Variants in CMIP observed in about 807,000 individuals in gnomAD.
CMIP encodes C-Maf-inducing protein.
CMIP carries 13 observed loss-of-function variants against 97.3 expected under a neutral mutation model. That is an observed-to-expected ratio of 0.13 (90% CI 0.09 to 0.21). The LOEUF (loss-of-function observed/expected upper bound fraction) is 0.21. CMIP is among the 10% of genes least tolerant of loss of function. The probability of loss-of-function intolerance (pLI) is 1.00; values close to 1 mark genes in which losing one functional copy is unlikely to be tolerated. For missense variants in CMIP, 847 were observed against 1,024.9 expected (o/e 0.83, Z 2.37); for synonymous variants, 538 against 436.3 (o/e 1.23, Z -2.91).
chr16:81,607,102 G>A (rs1202893563), intron 1 of CMIP: 1 of 158,128 alleles, frequency 6.3e-6, no homozygotes, highest in South Asian at 1.8e-4. Flanking sequence ...TTGAGGAGGA[G>A]GGTGGGGCTA....
intron 1 of CMIP, among the ~76,000 whole-genome samples, chr16:81,554,353 A>C (rs554831653): frequency 2.6e-5 from 4 of 152,364 alleles, no homozygotes; most frequent in African/African-American, 9.6e-5. Flanking sequence ...GAGCAGAAAG[A>C]TTCAGAGAAA....
At chr16:81,618,867 G>A (rs1446806448) in intron 2 of CMIP, 1 of 152,230 alleles carries the variant, frequency 6.6e-6, no homozygotes, top group Admixed American at 6.5e-5. Context: ...TCATGGATTA[G>A]CTCATTGTTT....
chr16:81,693,582 G>A, intron 13 of CMIP, 95 bp downstream of exon 13: 2 of 1,367,382 alleles, frequency 1.5e-6, no homozygotes, highest in South Asian at 1.4e-5. Flanking sequence ...GTCACCAACA[G>A]GCATTCAGAA....
intron 1 of CMIP, among the ~76,000 whole-genome samples, chr16:81,531,742 G>A (rs894215752): frequency 1.3e-5 from 2 of 152,168 alleles, no homozygotes; most frequent in African/African-American, 2.4e-5. Context: ...AGGTCAACCC[G>A]TGTGTCATGG....
intron 3 of CMIP, among the ~76,000 whole-genome samples, chr16:81,625,235 C>T (rs2150965540): frequency 6.6e-6 from 1 of 152,384 alleles, no homozygotes; most frequent in South Asian, 2.1e-4. Context: ...CAGGATCTCC[C>T]AGCCCATGGC....
At chr16:81,481,324 C>G (rs564624368) in intron 1 of CMIP, among the ~76,000 whole-genome samples, 16 of 152,296 alleles carry the variant, frequency 1.1e-4, no homozygotes, top group African/African-American at 3.9e-4. Context: ...TCATTCCAGC[C>G]TCATGGCAGG....
chr16:81,671,216 C>T (rs528633584), intron 8 of CMIP, among the ~76,000 whole-genome samples: 4 of 152,306 alleles, frequency 2.6e-5, no homozygotes, highest in South Asian at 4.1e-4. Flanking sequence ...TTGGAACTCA[C>T]GAAGTCGTTT....
At chr16:81,458,183 T>C (rs1284740441) in intron 1 of CMIP, among the ~76,000 whole-genome samples, 1 of 152,174 alleles carries the variant, frequency 6.6e-6, no homozygotes, top group Non-Finnish European at 1.5e-5. Context: ...CCCTGGCTTC[T>C]CACCTCTTCT....
chr16:81,459,014 GTCACCATCACTGTCACCATCACCA>G (rs1230058824), intron 1 of CMIP, among the ~76,000 whole-genome samples: 6 of 148,388 alleles, frequency 4.0e-5, no homozygotes, highest in Non-Finnish European at 7.4e-5. Flanking sequence ...CACCGTCACC[GTCACCATCACTGTCACCATCACCA>G]TCACCATCAC....
At chr16:81,488,179 C>T (rs1174156431) in intron 1 of CMIP, among the ~76,000 whole-genome samples, 1 of 152,058 alleles carries the variant, frequency 6.6e-6, no homozygotes, top group Non-Finnish European at 1.5e-5. Flanking sequence ...TGTTATGGTT[C>T]TGATTAGCTC....
intron 1 of CMIP, among the ~76,000 whole-genome samples, chr16:81,565,775 A>G (rs986708695): frequency 2.0e-5 from 3 of 152,188 alleles, no homozygotes; most frequent in Non-Finnish European, 2.9e-5. Flanking sequence ...CTGTCATTCA[A>G]CACACACTGA....
chr16:81,600,473 A>T (rs191047049), intron 1 of CMIP, among the ~76,000 whole-genome samples: 88 of 152,230 alleles, frequency 5.8e-4, no homozygotes, highest in African/African-American at 2.1e-3. Context: ...CAGTAAGTGA[A>T]AGGAGCCAGG....
At chr16:81,554,180 G>A (rs1444854024) in intron 1 of CMIP, among the ~76,000 whole-genome samples, 2 of 152,240 alleles carry the variant, frequency 1.3e-5, no homozygotes, top group East Asian at 1.9e-4. Flanking sequence ...CCTGATAAAT[G>A]TATGTTGAGG....
chr16:81,645,768 C>CAA, intron 3 of CMIP: 1 of 686,924 alleles, frequency 1.5e-6, no homozygotes, highest in Non-Finnish European at 2.5e-6. Context: ...TGGACTACTC[C>CAA]TTTACAGAAC....
At position 81,610,440 on chromosome 16, in the gene CMIP, G is replaced by C. The variant is rs1348025418; in HGVS notation, c.426+2748G>C. 7 of 985,974 alleles carry C rather than the reference G, an allele frequency of 7.1e-6. No homozygotes were observed. The African/African-American group carries it at 1.2e-4, about 17-fold the overall frequency. 61.1% of individuals were successfully genotyped at this position (985,974 alleles called of 1,614,324 possible). ...AGGAGGAAGCAGAGGAAAAGGAGGA[G>C]GAGGAGGCGGCTTGCAACTCCTCAG... On this transcript the variant is annotated intron_variant, in intron 2 of 20. Coordinates refer to ENST00000537098, the MANE Select transcript of CMIP (RefSeq NM_198390.3).
At chr16:81,639,913 G>A (rs1289818263) in intron 3 of CMIP, among the ~76,000 whole-genome samples, 2 of 152,142 alleles carry the variant, frequency 1.3e-5, no homozygotes, top group African/African-American at 4.8e-5. Context: ...CTCAGCACAG[G>A]GCCCAGTACA....
chr16:81,513,565 G>C (rs1018096814), intron 1 of CMIP, among the ~76,000 whole-genome samples: 1 of 152,202 alleles, frequency 6.6e-6, no homozygotes, highest in Non-Finnish European at 1.5e-5. Context: ...AGCCGGCGTG[G>C]AGCTGGGATT....
At chr16:81,684,774 T>G (rs1382185549) in intron 10 of CMIP, among the ~76,000 whole-genome samples, 1 of 152,238 alleles carries the variant, frequency 6.6e-6, no homozygotes, top group Non-Finnish European at 1.5e-5. Context: ...GGCACCTGCC[T>G]GCTTGTCCGT....
chr16:81,669,995 T>C, intron 7 of CMIP, 147 bp from the exon 8 acceptor site: 1 of 680,968 alleles, frequency 1.5e-6, no homozygotes, highest in South Asian at 2.0e-5. Flanking sequence ...ACCTGTGCTT[T>C]CCAGAGGGTT....
Sources: gnomAD v4.1 joint callset for allele counts (sites outside exome capture counted in the v4.1 genomes callset) on GRCh38, gnomAD v4.1.1 for gene constraint, MANE v1.5 for transcripts, NCBI Gene and HGNC (gene_info 2026-07-23, HGNC 2026-07-21) for gene names.